Variants in PTPRQ observed in about 807,000 individuals in gnomAD.
The protein encoded by PTPRQ is protein tyrosine phosphatase receptor type Q.
Under a neutral mutation model 246.0 loss-of-function variants are expected in PTPRQ, and 199 were observed. The observed-to-expected ratio is 0.81, with a 90% confidence interval of 0.72 to 0.91. The LOEUF is 0.91. PTPRQ is among the 40% of genes least tolerant of loss of function. The probability of loss-of-function intolerance (pLI) is 0.00; values close to 1 mark genes in which losing one functional copy is unlikely to be tolerated. For synonymous variants in PTPRQ, 869 were observed against 853.2 expected (o/e 1.02, Z -0.32); for missense variants, 2,624 against 2,528.4 (o/e 1.04, Z -0.81).
At chr12:80,664,660 C>T (rs964560805) in intron 39 of PTPRQ, among the ~76,000 whole-genome samples, 5 of 151,942 alleles carry the variant, frequency 3.3e-5, no homozygotes, top group Non-Finnish European at 7.4e-5. Flanking sequence ...CACTTACTAT[C>T]TTCAATTCCC....
At chr12:80,583,822 G>T (rs1405763674) in intron 25 of PTPRQ, 1 of 152,126 alleles carries the variant, frequency 6.6e-6, no homozygotes, top group Non-Finnish European at 1.5e-5. Flanking sequence ...GTAACTCAGG[G>T]TCCTCTTTCA....
chr12:80,624,464 C>T (rs1347792363), intron 33 of PTPRQ, among the ~76,000 whole-genome samples: 1 of 152,152 alleles, frequency 6.6e-6, no homozygotes, highest in African/African-American at 2.4e-5. Context: ...GGATTGACCA[C>T]ATGGAGTTCT....
At chr12:80,554,082 G>A (rs181265503) in intron 25 of PTPRQ, among the ~76,000 whole-genome samples, 5 of 151,840 alleles carry the variant, frequency 3.3e-5, no homozygotes, top group Non-Finnish European at 5.9e-5. Context: ...AGGGGCAGGG[G>A]GGGTAGGAAA....
chr12:80,532,448 T>C (rs1225624647), intron 17 of PTPRQ, among the ~76,000 whole-genome samples: 1 of 152,084 alleles, frequency 6.6e-6, no homozygotes, highest in Non-Finnish European at 1.5e-5. Context: ...CTTAAACTCC[T>C]GGTCTCAAGT....
At position 80,510,252 on chromosome 12, in the gene PTPRQ, G is replaced by A. The variant is rs539188119; in HGVS notation, c.2558-71G>A. On this transcript the variant is annotated intron_variant, in intron 16 of 44. Coordinates refer to ENST00000644991, the MANE Select transcript of PTPRQ (RefSeq NM_001145026.2). ...CCAGAAAGTTTATAATAAAAATTGT[G>A]TGCATTTCCATGTTAACTTTTTCTT... 7.6e-5 allele frequency: 101 copies of A among 1,321,944 alleles called. 2 individuals are homozygous for A. The South Asian group carries it at 2.0e-3, about 26-fold the overall frequency. 81.9% of individuals were successfully genotyped at this position (1,321,944 alleles called of 1,614,324 possible).
chr12:80,447,397 TTAAC>T (rs1421705271), intron 3 of PTPRQ, among the ~76,000 whole-genome samples: 2 of 152,084 alleles, frequency 1.3e-5, no homozygotes, highest in East Asian at 1.9e-4. Context: ...GCTTTTTAGT[TTAAC>T]TAAGTCCCAT....
At chr12:80,542,965 C>T (rs1414058507) in intron 23 of PTPRQ, 84 bp downstream of exon 23, 1 of 923,098 alleles carries the variant, frequency 1.1e-6, no homozygotes, top group East Asian at 3.1e-5. Flanking sequence ...GGAAAATGGA[C>T]TACTAAATTA....
At position 80,459,443 on chromosome 12, in the gene PTPRQ, G is replaced by C. The variant is rs938278021; in HGVS notation, c.620G>C (p.Arg207Thr). 2 of 398,306 alleles carry C rather than the reference G, an allele frequency of 5.0e-6. No homozygotes were observed. Among genetic ancestry groups the C allele is most frequent in the East Asian group, 7.1e-5 (2 of 28,060 alleles). The allele number at this position is 398,306 out of a possible 1,614,324, so 24.7% of individuals were successfully genotyped here. A position where few individuals can be genotyped will look rare whatever the true frequency, so the allele number is the denominator to read the frequency against. The change falls in exon 5 of 45, where the codon AGA becomes ACA. Residue 207 changes from arginine (R) to threonine (T), a missense_variant. Coordinates refer to ENST00000644991, the MANE Select transcript of PTPRQ (RefSeq NM_001145026.2). ...ATAGTAGTGAAAGATGTCTCAATCA[G>C]AGTAGAGGACATTTTGACTGGGAAA... Reference protein sequence around the residue: ...SGIVVKDVSIRVEDILTGKLP... With the variant: ...SGIVVKDVSITVEDILTGKLP...
At chr12:80,633,093 T>C (rs1899503551) in intron 34 of PTPRQ, among the ~76,000 whole-genome samples, 1 of 152,026 alleles carries the variant, frequency 6.6e-6, no homozygotes, top group South Asian at 2.1e-4. Context: ...AAAGGAGAAA[T>C]GCAGGTTCCA....
chr12:80,623,848 G>C lies in PTPRQ; in HGVS notation c.5686+1714G>C, dbSNP rs184061070. Among the ~76,000 whole-genome samples the C allele has an allele frequency of 5.7e-3, 873 of 152,198 alleles. 6 individuals carry two copies. The highest frequency in any genetic ancestry group is 0.018 in the African/African-American group (741 of 41,530). Reference sequence around the variant, plus strand: ...AATGAGAAAGAAAAGCTATAAAAGGGGGGGAGCGCCAAGCATCAGGAACCA... The same window carrying C: ...AATGAGAAAGAAAAGCTATAAAAGGCGGGGAGCGCCAAGCATCAGGAACCA... On this transcript the variant is annotated intron_variant, in intron 33 of 44. Transcript: ENST00000644991.
rs562405827 is a variant in PTPRQ at position 80,664,230 on chromosome 12, C to T, written c.6193-4777C>T. Among the ~76,000 whole-genome samples the T allele has an allele frequency of 6.6e-5, 10 of 152,034 alleles. No homozygotes were observed. In the South Asian group the frequency reaches 1.9e-3, roughly 28 times the overall value. On this transcript the variant is annotated intron_variant, in intron 39 of 44. Transcript: ENST00000644991. ...CTCCCTTTCTTCTAGGAGATTCTTT[C>T]TCCTTCTTCTTTCTTCTCTGGCCTC... is the stretch of plus-strand genomic sequence containing the variant.
chr12:80,565,489 C>T (rs143756639), intron 25 of PTPRQ, among the ~76,000 whole-genome samples: 1 of 152,148 alleles, frequency 6.6e-6, no homozygotes, highest in African/African-American at 2.4e-5. Flanking sequence ...CAACCTCCTC[C>T]CCTATTTTTT....
At chr12:80,651,418 G>A (rs1045237366) in intron 37 of PTPRQ, among the ~76,000 whole-genome samples, 1 of 152,030 alleles carries the variant, frequency 6.6e-6, no homozygotes, top group Admixed American at 6.6e-5. Context: ...ACTTTAGGAT[G>A]AGCAGAAGTC....
At chr12:80,473,055 A>G (rs1041864056) in intron 8 of PTPRQ, among the ~76,000 whole-genome samples, 100 of 150,534 alleles carry the variant, frequency 6.6e-4, no homozygotes, top group Middle Eastern at 3.4e-3. Context: ...ACGCACACAC[A>G]CACACACACA....
intron 33 of PTPRQ, among the ~76,000 whole-genome samples, chr12:80,629,185 A>AAG (rs200653252): frequency 0.016 from 2,376 of 147,662 alleles, 69 homozygotes; most frequent in African/African-American, 0.056. Flanking sequence ...GAGAGAGAGA[A>AAG]AGAGAGAGAG....
At chr12:80,538,767 G>GTT in intron 19 of PTPRQ, among the ~76,000 whole-genome samples, 1 of 145,958 alleles carries the variant, frequency 6.9e-6, no homozygotes, top group African/African-American at 2.6e-5. Context: ...ACTAATTACT[G>GTT]TTTTTTTTTA....
chr12:80,634,761 T>C, intron 34 of PTPRQ, 184 bp from the exon 35 acceptor site: 1 of 804,870 alleles, frequency 1.2e-6, no homozygotes. Context: ...GAAAGTAGAA[T>C]AGGTTCTATG....
rs528347618 is a variant in PTPRQ at position 80,536,170 on chromosome 12, G to C, written c.2985+1133G>C. Among the ~76,000 whole-genome samples, 4 of 152,276 alleles carry C rather than the reference G, an allele frequency of 2.6e-5. No individual in the cohort carries two copies. The South Asian group carries it at 8.3e-4, about 32-fold the overall frequency. ...CAATGTACAGAATACATCCCTTAGT[G>C]GTAGAAATTATTGACCACATGTTTG... is the stretch of plus-strand genomic sequence containing the variant. On this transcript the variant is annotated intron_variant, in intron 19 of 44. Coordinates refer to ENST00000644991, the MANE Select transcript of PTPRQ (RefSeq NM_001145026.2).
At chr12:80,493,500 G>A (rs1359166491) in intron 10 of PTPRQ, 45 bp downstream of exon 10, 5 of 1,517,426 alleles carry the variant, frequency 3.3e-6, no homozygotes, top group Non-Finnish European at 4.4e-6. Flanking sequence ...TAAACCACCA[G>A]TGCTAGCTAG....
Sources: allele counts gnomAD v4.1 joint callset (sites outside exome capture counted in the v4.1 genomes callset), GRCh38; gene constraint gnomAD v4.1.1; transcripts MANE v1.5; gene names NCBI Gene and HGNC (gene_info 2026-07-23, HGNC 2026-07-21).